Variants in TBPL2 observed in about 807,000 individuals in gnomAD.
TBPL2 encodes the protein TATA-box binding protein like 2.
A neutral mutation model predicts 38.2 loss-of-function variants in TBPL2; 40 were observed. The observed-to-expected ratio is 1.05, with a 90% confidence interval of 0.81 to 1.36. The LOEUF is 1.36. Ranked by LOEUF, TBPL2 falls within the 40% of genes most tolerant of loss-of-function variation. TBPL2 has a pLI of 0.00. For missense variants in TBPL2, 461 were observed against 456.7 expected (o/e 1.01, Z -0.09); for synonymous variants, 169 against 171.7 (o/e 0.98, Z 0.12).
chr14:55,439,503 C>CGG (rs111325379), intron 1 of TBPL2, among the ~76,000 whole-genome samples: 2 of 150,064 alleles, frequency 1.3e-5, no homozygotes, highest in African/African-American at 4.9e-5. Flanking sequence ...TAGAACCAGG[C>CGG]GGGGGGCCAG....
At chr14:55,434,251 A>C (rs1440491342) in intron 3 of TBPL2, among the ~76,000 whole-genome samples, 1 of 152,218 alleles carries the variant, frequency 6.6e-6, no homozygotes, top group East Asian at 1.9e-4. Flanking sequence ...TGAATGACAG[A>C]AAGTTGATGT....
intron 6 of TBPL2, among the ~76,000 whole-genome samples, chr14:55,420,646 T>C (rs899862591): frequency 2.6e-5 from 4 of 152,266 alleles, no homozygotes; most frequent in African/African-American, 9.6e-5. Flanking sequence ...AATTTAAATT[T>C]GCCTATTCTG....
At chr14:55,427,609 T>C (rs1416041915) in intron 5 of TBPL2, among the ~76,000 whole-genome samples, 1 of 152,130 alleles carries the variant, frequency 6.6e-6, no homozygotes, top group African/African-American at 2.4e-5. Context: ...CCAAGTGCCC[T>C]AGCCCAGGTG....
intron 5 of TBPL2, among the ~76,000 whole-genome samples, chr14:55,425,371 A>G (rs1254128920): frequency 2.0e-5 from 3 of 152,254 alleles, no homozygotes; most frequent in African/African-American, 7.2e-5. Context: ...TGGAGACACA[A>G]AAAGAAGATT....
At chr14:55,440,352 G>A (rs1248153513) in intron 1 of TBPL2, 44 bp downstream of exon 1, 1 of 1,611,066 alleles carries the variant, frequency 6.2e-7, no homozygotes. Flanking sequence ...ACAGGACCGG[G>A]CGGGACTTGG....
chr14:55,429,075 C>T, intron 4 of TBPL2, 101 bp from the exon 5 acceptor site: 1 of 1,403,882 alleles, frequency 7.1e-7, no homozygotes, highest in Non-Finnish European at 9.8e-7. Context: ...GTTTATCTTT[C>T]AATGTATACT....
chr14:55,429,115 T>TA, intron 4 of TBPL2, 141 bp from the exon 5 acceptor site: 1 of 984,260 alleles, frequency 1.0e-6, no homozygotes, highest in East Asian at 2.6e-5. Context: ...GAGGAGGACT[T>TA]ACTTCCCATA....
In TBPL2 at chr14:55,440,402, G is replaced by C. The variant is rs746687559; in HGVS notation, c.144C>G (p.Ala48=). The C allele has an allele frequency of 3.7e-6, 6 of 1,613,042 alleles. No individual in the cohort carries two copies. In the South Asian group the frequency reaches 6.6e-5, roughly 18 times the overall value. ...ACAGTGGCGGCAGCCTCACCTGAGC[G>C]GCGCACTGGTCCAGGTAGAGCTCCA... The change falls in exon 1 of 7, where the codon GCC becomes GCG. Residue 48 remains alanine, a synonymous_variant. Transcript: ENST00000247219.
chr14:55,428,931 C>G (rs775412484), exon 5 of TBPL2: 6 of 1,614,186 alleles, frequency 3.7e-6, no homozygotes, highest in Non-Finnish European at 4.2e-6. Context: ...AGCTTCTGCA[C>G]CACACGAGCA....
intron 4 of TBPL2, among the ~76,000 whole-genome samples, chr14:55,432,790 G>A (rs747330596): frequency 3.3e-5 from 5 of 152,186 alleles, no homozygotes; most frequent in Non-Finnish European, 7.4e-5. Context: ...AACACCTACA[G>A]GAGAAAACAG....
chr14:55,421,312 T>C (rs1379058633), intron 6 of TBPL2, among the ~76,000 whole-genome samples: 1 of 152,168 alleles, frequency 6.6e-6, no homozygotes, highest in Non-Finnish European at 1.5e-5. Flanking sequence ...TGGCAGGCTT[T>C]TCTCACTTCC....
At chr14:55,436,419 A>G (rs1886012960) in intron 2 of TBPL2, 142 bp downstream of exon 2, 1 of 800,114 alleles carries the variant, frequency 1.2e-6, no homozygotes, top group East Asian at 2.7e-5. Context: ...TAAAGCCACA[A>G]TCCATTTAGA....
intron 6 of TBPL2, among the ~76,000 whole-genome samples, chr14:55,421,723 A>G (rs934651222): frequency 6.6e-6 from 1 of 152,160 alleles, no homozygotes; most frequent in Non-Finnish European, 1.5e-5. Flanking sequence ...TCAATTTCCC[A>G]AAGTGCTGGG....
Position 55,437,686 on chromosome 14 carries a change from T to A in TBPL2, c.151-668A>T, listed in dbSNP as rs190822425. Among the ~76,000 whole-genome samples the A allele has an allele frequency of 3.3e-5, 5 of 152,374 alleles. No homozygotes were observed. The East Asian group carries it at 9.6e-4, about 29-fold the overall frequency. The stretch of plus-strand genomic sequence containing the variant: ...TACTTTGAAGAGAACAGATATACTG[T>A]ATTATTTAAGTTAATTATAAACTTT... On this transcript the variant is annotated intron_variant, in intron 1 of 6. Coordinates refer to ENST00000247219, the Ensembl canonical transcript of TBPL2.
intron 6 of TBPL2, among the ~76,000 whole-genome samples, chr14:55,415,494 C>T (rs934888786): frequency 2.6e-5 from 4 of 152,142 alleles, no homozygotes; most frequent in African/African-American, 7.2e-5. Context: ...AAAAATACTA[C>T]GCACTTTCAT....
At chr14:55,437,223 TCC>T (rs1886031325) in intron 1 of TBPL2, among the ~76,000 whole-genome samples, 1 of 152,276 alleles carries the variant, frequency 6.6e-6, no homozygotes, top group Admixed American at 6.5e-5. Context: ...ACGCCTGTAA[TCC>T]CAGCACTTTG....
exon 1 of TBPL2, chr14:55,440,460 C>G (rs1173450297): frequency 6.2e-7 from 1 of 1,612,850 alleles, no homozygotes; most frequent in African/African-American, 1.3e-5. Flanking sequence ...GGACCGTAAT[C>G]CCACTGTTGG....
chr14:55,416,600 A>C (rs1481754735), intron 6 of TBPL2, among the ~76,000 whole-genome samples: 5 of 152,212 alleles, frequency 3.3e-5, no homozygotes, highest in African/African-American at 1.2e-4. Flanking sequence ...AGAAAAAGCC[A>C]CAAGTTTCAG....
intron 5 of TBPL2, among the ~76,000 whole-genome samples, chr14:55,427,193 C>T (rs748965942): frequency 1.3e-5 from 2 of 152,062 alleles, no homozygotes; most frequent in Admixed American, 6.5e-5. Flanking sequence ...CCTAAAGAGG[C>T]AACATGTCTT....
Sources: gnomAD v4.1 joint callset for allele counts (sites outside exome capture counted in the v4.1 genomes callset) on GRCh38, gnomAD v4.1.1 for gene constraint, MANE v1.5 for transcripts, NCBI Gene and HGNC (gene_info 2026-07-23, HGNC 2026-07-21) for gene names.